The following ABCC9 variants were observed in gnomAD, a reference collection of about 807,000 sequenced individuals.
ABCC9 encodes the protein ATP-binding cassette sub-family C member 9.
A neutral mutation model predicts 188.3 loss-of-function variants in ABCC9; 95 were observed. That is an observed-to-expected ratio of 0.50 (90% CI 0.43 to 0.60). The LOEUF (loss-of-function observed/expected upper bound fraction) is 0.60. Among genes scored for constraint, ABCC9 ranks in the 20% least tolerant of loss-of-function variants. The pLI is 0.00. For synonymous variants in ABCC9, 659 were observed against 652.7 expected (o/e 1.01, Z -0.15); for missense variants, 1,102 against 1,876.3 (o/e 0.59, Z 7.62).
intron 20 of ABCC9, among the ~76,000 whole-genome samples, chr12:21,861,315 C>T (rs1945497550): frequency 6.6e-6 from 1 of 151,502 alleles, no homozygotes; most frequent in African/African-American, 2.4e-5. Flanking sequence ...ACTGCAACCT[C>T]TGCCACCTGG....
intron 39 of ABCC9, 147 bp from the exon 40 acceptor site, chr12:21,801,328 T>C: frequency 9.6e-7 from 1 of 1,037,712 alleles, no homozygotes. Flanking sequence ...CCTCCCCTTT[T>C]TTCCTTATTT....
intron 31 of ABCC9, among the ~76,000 whole-genome samples, chr12:21,823,040 T>A (rs1340189579): frequency 1.3e-5 from 2 of 152,168 alleles, no homozygotes; most frequent in African/African-American, 4.8e-5. Context: ...TGCTATAGCC[T>A]TACACATCCT....
At chr12:21,809,749 G>A in intron 37 of ABCC9, 103 bp downstream of exon 37, 1 of 722,116 alleles carries the variant, frequency 1.4e-6, no homozygotes, top group South Asian at 1.6e-5. Context: ...AAATATAAGG[G>A]GATTTAACAC....
chr12:21,802,468 T>TG (rs1941508494), intron 39 of ABCC9, among the ~76,000 whole-genome samples: 2 of 152,200 alleles, frequency 1.3e-5, no homozygotes, highest in African/African-American at 4.8e-5. Flanking sequence ...GAAAGCAACT[T>TG]TAATACATTT....
intron 18 of ABCC9, among the ~76,000 whole-genome samples, chr12:21,865,964 A>G (rs79637236): frequency 7.4e-5 from 5 of 67,978 alleles, no homozygotes; most frequent in African/African-American, 2.4e-4. Context: ...AACCAAAAAC[A>G]AAGAAGCAAA....
intron 12 of ABCC9, among the ~76,000 whole-genome samples, chr12:21,902,467 T>C (rs928211367): frequency 2.0e-5 from 3 of 151,802 alleles, no homozygotes; most frequent in African/African-American, 7.3e-5. Flanking sequence ...CTGAAGGAAA[T>C]AGAGACACAA....
chr12:21,818,963 C>G (rs1942859925), intron 31 of ABCC9, among the ~76,000 whole-genome samples: 1 of 152,104 alleles, frequency 6.6e-6, no homozygotes, highest in South Asian at 2.1e-4. Flanking sequence ...AGAATAAGCA[C>G]TATGCTTGCT....
intron 4 of ABCC9, among the ~76,000 whole-genome samples, chr12:21,927,406 G>A (rs1949084392): frequency 6.6e-6 from 1 of 152,206 alleles, no homozygotes; most frequent in Non-Finnish European, 1.5e-5. Context: ...AAGCAGTTAG[G>A]AAACTATGGG....
chr12:21,930,284 A>G (rs1197880357), intron 4 of ABCC9, among the ~76,000 whole-genome samples: 1 of 152,180 alleles, frequency 6.6e-6, no homozygotes, highest in African/African-American at 2.4e-5. Flanking sequence ...ATATTTCTAT[A>G]TAATATGGGA....
At chr12:21,849,895 T>C (rs1944871870) in intron 24 of ABCC9, among the ~76,000 whole-genome samples, 1 of 152,254 alleles carries the variant, frequency 6.6e-6, no homozygotes, top group South Asian at 2.1e-4. Context: ...CTAAAAGTGT[T>C]AACTCCCTCT....
intron 2 of ABCC9, among the ~76,000 whole-genome samples, chr12:21,940,130 A>G (rs1265200231): frequency 6.6e-6 from 1 of 152,234 alleles, no homozygotes; most frequent in African/African-American, 2.4e-5. Context: ...AAAGCAAGTG[A>G]AAACTTGTCT....
chr12:21,901,793 G>C (rs892989173), intron 12 of ABCC9, among the ~76,000 whole-genome samples: 3 of 152,152 alleles, frequency 2.0e-5, no homozygotes, highest in African/African-American at 7.2e-5. Flanking sequence ...GGAGCCCCCA[G>C]ATTCATAAAG....
intron 5 of ABCC9, chr12:21,925,540 A>G (rs529411376): frequency 1.4e-6 from 1 of 702,468 alleles, no homozygotes; most frequent in South Asian, 1.5e-5. Context: ...ACTCCAAGCC[A>G]GAGACAGAAA....
rs972309176 is a variant in ABCC9, at chr12:21,931,675, A to G, written c.284+2107T>C. On this transcript the variant is annotated intron_variant, in intron 4 of 39. Transcript: ENST00000261200. Reference sequence around the variant, plus strand: ...TCTTGTCCACATGATGTCAAGTTTCAAAAAAATATTGGATGATCTATCTTC... The same window carrying G: ...TCTTGTCCACATGATGTCAAGTTTCGAAAAAATATTGGATGATCTATCTTC... 2.6e-5 allele frequency among the ~76,000 whole-genome samples: 4 copies of G among 152,126 alleles called. No individual in the cohort carries two copies. The South Asian group carries it at 6.2e-4, about 24-fold the overall frequency.
chr12:21,869,712 A>G (rs899124334), intron 18 of ABCC9: 3 of 152,210 alleles, frequency 2.0e-5, no homozygotes, highest in Non-Finnish European at 4.4e-5. Flanking sequence ...CACAGCATTT[A>G]TCAAAGTCTA....
chr12:21,906,771 A>AT (rs1565471069), intron 11 of ABCC9, among the ~76,000 whole-genome samples: 2 of 152,050 alleles, frequency 1.3e-5, no homozygotes. Context: ...CTGTGCATTC[A>AT]TATTGCATCT....
At chr12:21,870,577 C>T (rs1251042177) in intron 18 of ABCC9, among the ~76,000 whole-genome samples, 1 of 152,066 alleles carries the variant, frequency 6.6e-6, no homozygotes, top group East Asian at 1.9e-4. Context: ...CAGCTCTCTC[C>T]AAAAAGAGAA....
chr12:21,885,077 G>T (rs1171854833), intron 15 of ABCC9, among the ~76,000 whole-genome samples: 1 of 152,178 alleles, frequency 6.6e-6, no homozygotes, highest in Non-Finnish European at 1.5e-5. Flanking sequence ...AGAGATTTGA[G>T]TCGAAGTTCC....
Position 21,848,188 on chromosome 12 carries a change from G to C in ABCC9, c.2828C>G (p.Ser943Ter). 4.3e-6 allele frequency: 7 copies of C among 1,613,610 alleles called. No homozygotes were observed. The highest frequency in any genetic ancestry group is 5.9e-6 in the Non-Finnish European group (7 of 1,179,644). Residue 943 changes from serine (S) to a stop codon, truncating the protein, a stop_gained, in exon 25 of 40, where the codon TCA becomes TGA. Coordinates refer to ENST00000261200, the MANE Select transcript of ABCC9 (RefSeq NM_020297.4). LOFTEE classifies it high-confidence loss of function. ...CTCCATCTGGGCTTTGGCTTCTCTT[G>C]AATACATGGCCCGTCGGAGAGTTTT... ...ERKTLRRAMY[S>*]REAKAQMEDE... is the part of the protein sequence containing the mutation.
Sources: allele counts gnomAD v4.1 joint callset (sites outside exome capture counted in the v4.1 genomes callset), GRCh38; gene constraint gnomAD v4.1.1; transcripts MANE v1.5; gene names NCBI Gene and HGNC (gene_info 2026-07-23, HGNC 2026-07-21).